SCN9A: variants seen among roughly 807,000 people sequenced by gnomAD.
SCN9A encodes sodium channel protein type 9 subunit alpha.
Under a neutral mutation model 187.0 loss-of-function variants are expected in SCN9A, and 131 were observed. The observed-to-expected ratio is 0.70, with a 90% CI of 0.61 to 0.81. The LOEUF is 0.81. Among genes scored for constraint, SCN9A ranks in the 30% least tolerant of loss-of-function variants. The pLI, the probability that SCN9A is intolerant of heterozygous loss-of-function variation, is 0.00. For synonymous variants in SCN9A, 809 were observed against 808.6 expected (o/e 1.00, Z -0.01); for missense variants, 2,252 against 2,396.6 (o/e 0.94, Z 1.26).
chr2:166,361,832 A>G (rs1228515386), intron 1 of SCN9A, among the ~76,000 whole-genome samples: 1 of 152,120 alleles, frequency 6.6e-6, no homozygotes, highest in Admixed American at 6.5e-5. Context: ...ATGCTCTAGC[A>G]TGAGTCAGAG....
At chr2:166,342,160 A>G (rs1574945788) in intron 1 of SCN9A, among the ~76,000 whole-genome samples, 1 of 152,242 alleles carries the variant, frequency 6.6e-6, no homozygotes, top group East Asian at 1.9e-4. Context: ...GCGCACAAAC[A>G]CATCAGCACG....
At chr2:166,314,954 A>T (rs1699072153) in intron 1 of SCN9A, among the ~76,000 whole-genome samples, 1 of 152,218 alleles carries the variant, frequency 6.6e-6, no homozygotes, top group South Asian at 2.1e-4. Context: ...TAAAATGGTG[A>T]TTTTTTATGG....
At chr2:166,210,102 A>G (rs1463313525) in intron 24 of SCN9A, among the ~76,000 whole-genome samples, 1 of 152,214 alleles carries the variant, frequency 6.6e-6, no homozygotes, top group Non-Finnish European at 1.5e-5. Flanking sequence ...TATGGCACAT[A>G]TACACCATGG....
intron 1 of SCN9A, among the ~76,000 whole-genome samples, chr2:166,322,856 G>A (rs1301913647): frequency 6.6e-6 from 1 of 152,102 alleles, no homozygotes; most frequent in Non-Finnish European, 1.5e-5. Context: ...CTAGCTAAAT[G>A]ATCTTGGACA....
At chr2:166,262,895 C>G (rs1696572297) in intron 17 of SCN9A, among the ~76,000 whole-genome samples, 1 of 151,960 alleles carries the variant, frequency 6.6e-6, no homozygotes, top group Non-Finnish European at 1.5e-5. Context: ...CTGTTCTCAG[C>G]TGCTGTCTGT....
At chr2:166,264,509 T>G (rs1434117196) in intron 17 of SCN9A, among the ~76,000 whole-genome samples, 5 of 152,046 alleles carry the variant, frequency 3.3e-5, no homozygotes, top group Non-Finnish European at 5.9e-5. Flanking sequence ...TATTTCCATT[T>G]GTTTCCTCAG....
At chr2:166,209,016 C>T (rs985092312) in intron 24 of SCN9A, among the ~76,000 whole-genome samples, 5 of 152,196 alleles carry the variant, frequency 3.3e-5, no homozygotes, top group African/African-American at 1.2e-4. Context: ...ACTCTTGCCT[C>T]ATATGGAGCA....
intron 1 of SCN9A, among the ~76,000 whole-genome samples, chr2:166,374,396 T>C (rs564466723): frequency 6.6e-6 from 1 of 152,324 alleles, no homozygotes; most frequent in East Asian, 1.9e-4. Flanking sequence ...TGTCTAGAGT[T>C]TTGTTGTTGA....
At chr2:166,332,175 G>A (rs2105265690) in intron 1 of SCN9A, among the ~76,000 whole-genome samples, 1 of 152,246 alleles carries the variant, frequency 6.6e-6, no homozygotes, top group East Asian at 1.9e-4. Flanking sequence ...CCCTTGTGCT[G>A]GGTCTATGTA....
At chr2:166,364,276 C>T (rs1054394778) in intron 1 of SCN9A, among the ~76,000 whole-genome samples, 1 of 151,876 alleles carries the variant, frequency 6.6e-6, no homozygotes, top group Non-Finnish European at 1.5e-5. Flanking sequence ...TGTGGTGGTT[C>T]CTCAAAAAAT....
At position 166,278,140 on chromosome 2, in the gene SCN9A, C is replaced by T; in HGVS notation, c.2517G>A (p.Leu839=). ...EGLSVLRSFR[L]LRVFKLAKSW... is the part of the protein sequence containing the mutation. ...AATGGCAACCTTAGTTTATGTTTACCAGTCTGAATGATCGCAGAACTGACA... is the reference window on the plus strand; with the variant it reads ...AATGGCAACCTTAGTTTATGTTTACTAGTCTGAATGATCGCAGAACTGACA... Residue 839 remains leucine, a splice_region_variant and synonymous_variant, in exon 15 of 27, where the codon CTG becomes CTA. Transcript: ENST00000642356. 1.2e-6 allele frequency: 2 copies of T among 1,609,462 alleles called. No individual in the cohort carries two copies. The highest frequency in any genetic ancestry group is 1.7e-6 in the Non-Finnish European group (2 of 1,177,956).
At chr2:166,275,655 AAG>A (rs1383742269) in intron 16 of SCN9A, among the ~76,000 whole-genome samples, 6 of 152,110 alleles carry the variant, frequency 3.9e-5, no homozygotes, top group South Asian at 2.1e-4. Context: ...AGAAGAAACA[AAG>A]AGAATGTGCA....
In SCN9A at chr2:166,242,567, T is replaced by A. The variant is rs1401753583; in HGVS notation, c.3562A>T (p.Ile1188Phe). The A allele has an allele frequency of 6.3e-7, 1 of 1,583,546 alleles. No individual in the cohort carries two copies. Among genetic ancestry groups the A allele is most frequent in the Non-Finnish European group, 8.6e-7 (1 of 1,164,064 alleles). Residue 1188 changes from isoleucine to phenylalanine, a missense_variant, in exon 19 of 27, where the codon ATT (isoleucine) becomes TTT (phenylalanine). Around this residue, in one of 7 missense-constraint regions of SCN9A, gnomAD observed 313 missense variants for 295.3 expected, o/e 1.06. Transcript: ENST00000642356. ...WWNIRKTCYK[I>F]VEHSWFESFI... Reference sequence around the variant, plus strand: ...CTTTCAAACCAACTGTGTTCAACAATCTTGTAGCAGGTTTTCCTGATGTTC... The same window carrying A: ...CTTTCAAACCAACTGTGTTCAACAAACTTGTAGCAGGTTTTCCTGATGTTC...
chr2:166,327,471 G>A (rs1005426994), intron 1 of SCN9A, among the ~76,000 whole-genome samples: 4 of 152,058 alleles, frequency 2.6e-5, no homozygotes, highest in African/African-American at 9.7e-5. Context: ...TTTTTAAATT[G>A]CCAACATTCT....
At chr2:166,367,549 G>A (rs995147081) in intron 1 of SCN9A, among the ~76,000 whole-genome samples, 1 of 152,156 alleles carries the variant, frequency 6.6e-6, no homozygotes, top group South Asian at 2.1e-4. Flanking sequence ...ACGGGCGTAA[G>A]CCACCGCGCC....
chr2:166,333,041 A>G (rs1265594311), intron 1 of SCN9A, among the ~76,000 whole-genome samples: 1 of 151,642 alleles, frequency 6.6e-6, no homozygotes, highest in Non-Finnish European at 1.5e-5. Flanking sequence ...TATAAATAGT[A>G]TAATAAAGTT....
At chr2:166,371,965 G>T (rs1306788124) in intron 1 of SCN9A, among the ~76,000 whole-genome samples, 2 of 152,136 alleles carry the variant, frequency 1.3e-5, no homozygotes, top group Non-Finnish European at 2.9e-5. Context: ...TAATCAGTTT[G>T]TCACCTAATT....
chr2:166,235,017 T>C (rs546548237), intron 20 of SCN9A, among the ~76,000 whole-genome samples: 1 of 152,272 alleles, frequency 6.6e-6, no homozygotes, highest in Admixed American at 6.5e-5. Context: ...ATGAGCTGCC[T>C]TGGGACTCTC....
intron 17 of SCN9A, among the ~76,000 whole-genome samples, chr2:166,267,412 G>T (rs1354172023): frequency 2.0e-5 from 3 of 151,844 alleles, no homozygotes; most frequent in Non-Finnish European, 2.9e-5. Context: ...TTCCAGTTGA[G>T]CATGGTGAAT....
Sources: allele counts gnomAD v4.1 joint callset (sites outside exome capture counted in the v4.1 genomes callset), GRCh38; gene constraint gnomAD v4.1.1; regional missense constraint gnomAD v4.1.1; transcripts MANE v1.5; gene names NCBI Gene and HGNC (gene_info 2026-07-23, HGNC 2026-07-21).